SIPA1L2: variants seen among roughly 807,000 people sequenced by gnomAD.
SIPA1L2 encodes signal-induced proliferation-associated 1-like protein 2.
In SIPA1L2, 56 loss-of-function variants were observed where a neutral mutation model predicts 163.9. The observed-to-expected ratio is 0.34, with a 90% confidence interval of 0.28 to 0.43. SIPA1L2 has a LOEUF of 0.43. Ranked by LOEUF, SIPA1L2 falls within the 20% of genes least tolerant of loss-of-function variation. The pLI is 1.00. For synonymous variants in SIPA1L2, 877 were observed against 865.7 expected (o/e 1.01, Z -0.23); for missense variants, 1,974 against 2,193.5 (o/e 0.90, Z 2.00).
chr1:232,624,872 C>A (rs966454295), intron 1 of SIPA1L2, among the ~76,000 whole-genome samples: 1 of 152,136 alleles, frequency 6.6e-6, no homozygotes, highest in Non-Finnish European at 1.5e-5. Flanking sequence ...CAATTCAACA[C>A]AAGAGAATAC....
rs1264640444 is a variant in SIPA1L2, at chr1:232,554,850, A to G, written c.-270+19324T>C. Among the ~76,000 whole-genome samples the G allele has an allele frequency of 1.4e-4, 22 of 152,238 alleles. 1 individual carries two copies. The highest frequency in any genetic ancestry group is 1.4e-3 in the Admixed American group (22 of 15,290). ...TTTTTATCAAAATAACAATAAGGAA[A>G]TAACTTCCAACAATGAATTTCTAAG... On this transcript the variant is annotated intron_variant, in intron 2 of 22. Transcript: ENST00000674635.
intron 3 of SIPA1L2, among the ~76,000 whole-genome samples, chr1:232,507,332 G>A (rs1339693953): frequency 1.3e-5 from 2 of 152,154 alleles, no homozygotes; most frequent in East Asian, 1.9e-4. Flanking sequence ...GCCTGCAGAA[G>A]AGTCATTCAT....
intron 18 of SIPA1L2, among the ~76,000 whole-genome samples, chr1:232,416,676 C>T (rs1232479816): frequency 6.6e-6 from 1 of 152,204 alleles, no homozygotes; most frequent in Non-Finnish European, 1.5e-5. Flanking sequence ...GTAAGACCAA[C>T]TTTGCTTTTA....
intron 3 of SIPA1L2, among the ~76,000 whole-genome samples, chr1:232,510,730 C>T (rs574994374): frequency 2.0e-5 from 3 of 152,166 alleles, no homozygotes; most frequent in Non-Finnish European, 4.4e-5. Flanking sequence ...AAAATCATCT[C>T]GGGGAACAGA....
At chr1:232,531,652 C>A (rs746611234) in intron 2 of SIPA1L2, among the ~76,000 whole-genome samples, 3 of 152,118 alleles carry the variant, frequency 2.0e-5, no homozygotes, top group Non-Finnish European at 4.4e-5. Flanking sequence ...TCTTTTGGTT[C>A]TTCTTAGTAG....
At chr1:232,558,097 T>C (rs1315468945) in intron 2 of SIPA1L2, among the ~76,000 whole-genome samples, 1 of 152,200 alleles carries the variant, frequency 6.6e-6, no homozygotes, top group Non-Finnish European at 1.5e-5. Context: ...CATAGGCTTT[T>C]ATCTCACACA....
intron 19 of SIPA1L2, among the ~76,000 whole-genome samples, chr1:232,414,934 T>G (rs1290650054): frequency 6.6e-6 from 1 of 152,190 alleles, no homozygotes; most frequent in African/African-American, 2.4e-5. Flanking sequence ...GTGTGGCAGC[T>G]GGATGGCTCT....
intron 10 of SIPA1L2, among the ~76,000 whole-genome samples, chr1:232,457,476 T>A (rs959324066): frequency 1.3e-5 from 2 of 152,142 alleles, no homozygotes; most frequent in Admixed American, 1.3e-4. Context: ...TATACACACA[T>A]ACACACAGAA....
intron 2 of SIPA1L2, among the ~76,000 whole-genome samples, chr1:232,564,381 A>G (rs1274715432): frequency 4.6e-5 from 7 of 151,552 alleles, no homozygotes; most frequent in South Asian, 4.2e-4. Flanking sequence ...CCTGGCCAAG[A>G]AAGGTTTTTT....
intron 2 of SIPA1L2, among the ~76,000 whole-genome samples, chr1:232,537,658 G>A (rs1657395842): frequency 6.6e-6 from 1 of 152,208 alleles, no homozygotes; most frequent in African/African-American, 2.4e-5. Flanking sequence ...AGACGCCAAG[G>A]TCAGAACCAC....
intron 2 of SIPA1L2, among the ~76,000 whole-genome samples, chr1:232,561,820 A>AGCAGGAGAGAGGGATAC (rs1659053184): frequency 6.6e-6 from 1 of 152,188 alleles, no homozygotes; most frequent in Admixed American, 6.5e-5. Context: ...AAAATGCAGG[A>AGCAGGAGAGAGGGATAC]GCAGGAGAGA....
intron 2 of SIPA1L2, among the ~76,000 whole-genome samples, chr1:232,527,399 G>A (rs1383929362): frequency 6.6e-6 from 1 of 152,140 alleles, no homozygotes; most frequent in East Asian, 1.9e-4. Flanking sequence ...ACTTCTTTAG[G>A]TTTTGCTTCC....
chr1:232,484,205 C>A (rs1010973742), intron 5 of SIPA1L2, among the ~76,000 whole-genome samples: 2 of 152,138 alleles, frequency 1.3e-5, no homozygotes, highest in African/African-American at 4.8e-5. Flanking sequence ...AAATGTATGG[C>A]TGTGGCCATT....
intron 1 of SIPA1L2, among the ~76,000 whole-genome samples, chr1:232,588,693 G>T (rs1246242868): frequency 6.6e-6 from 1 of 152,262 alleles, no homozygotes; most frequent in Middle Eastern, 3.4e-3. Context: ...GTGAGGCTAG[G>T]TTTTCTTTGG....
At chr1:232,464,696 T>C in intron 9 of SIPA1L2, 144 bp downstream of exon 9, 4 of 665,724 alleles carry the variant, frequency 6.0e-6, no homozygotes, top group Non-Finnish European at 4.8e-6. Flanking sequence ...GGACCCAGCA[T>C]TTAAAATTAA....
chr1:232,400,017 C>A (rs1172293561), intron 22 of SIPA1L2, among the ~76,000 whole-genome samples: 1 of 152,136 alleles, frequency 6.6e-6, no homozygotes, highest in Non-Finnish European at 1.5e-5. Flanking sequence ...ACGCCCCCAC[C>A]CTTGGCATAT....
At chr1:232,589,873 A>AT (rs1398705389) in intron 1 of SIPA1L2, among the ~76,000 whole-genome samples, 38 of 152,250 alleles carry the variant, frequency 2.5e-4, no homozygotes, top group African/African-American at 8.4e-4. Flanking sequence ...CTCCTTATCT[A>AT]TAGTAAGGCA....
At chr1:232,543,414 C>T (rs1480377180) in intron 2 of SIPA1L2, among the ~76,000 whole-genome samples, 1 of 152,228 alleles carries the variant, frequency 6.6e-6, no homozygotes, top group Non-Finnish European at 1.5e-5. Context: ...CTTCCACCTC[C>T]TCCACCTTTT....
intron 10 of SIPA1L2, 55 bp from the exon 11 acceptor site, chr1:232,445,841 A>G (rs1663185273): frequency 3.2e-6 from 5 of 1,577,158 alleles, no homozygotes; most frequent in African/African-American, 1.3e-5. Flanking sequence ...AGCTGTCAGC[A>G]TGGCTTACTC....
Sources: gnomAD v4.1 joint callset for allele counts (sites outside exome capture counted in the v4.1 genomes callset) on GRCh38, gnomAD v4.1.1 for gene constraint, MANE v1.5 for transcripts, NCBI Gene and HGNC (gene_info 2026-07-23, HGNC 2026-07-21) for gene names.